The following ERLEC1 variants were observed in gnomAD, a reference collection of about 807,000 sequenced individuals.
ERLEC1 encodes the protein endoplasmic reticulum lectin 1, also known as ER lectin.
ERLEC1 carries 47 observed loss-of-function variants against 68.0 expected under a neutral mutation model. That is an observed-to-expected ratio of 0.69 (90% CI 0.55 to 0.88). ERLEC1 has a LOEUF of 0.88. Among genes scored for constraint, ERLEC1 ranks in the 40% least tolerant of loss-of-function variants. The pLI is 0.00. For synonymous variants in ERLEC1, 225 were observed against 203.2 expected (o/e 1.11, Z -0.91); for missense variants, 567 against 583.8 (o/e 0.97, Z 0.30).
intron 8 of ERLEC1, among the ~76,000 whole-genome samples, chr2:53,806,845 G>T (rs1352113525): frequency 6.6e-6 from 1 of 152,030 alleles, no homozygotes; most frequent in African/African-American, 2.4e-5. Flanking sequence ...TTTAAATTCA[G>T]GTCTACATTC....
chr2:53,787,065 T>C lies in ERLEC1; in HGVS notation c.-146T>C. ...GGGCGGAGGCGGCGTTGCCGGGCTC[T>C]CCGGAAGGAGACGTGGCGGCGGTTG... is the stretch of plus-strand genomic sequence containing the variant. On this transcript the variant is annotated 5_prime_UTR_variant, in exon 1 of 14. Coordinates refer to ENST00000185150, the MANE Select transcript of ERLEC1 (RefSeq NM_015701.5). 3 of 1,178,304 alleles carry C rather than the reference T, an allele frequency of 2.5e-6. No individual in the cohort carries two copies. Among genetic ancestry groups the C allele is most frequent in the Non-Finnish European group, 3.4e-6 (3 of 878,170 alleles). 73.0% of individuals were successfully genotyped at this position (1,178,304 alleles called of 1,614,324 possible). A position where few individuals can be genotyped will look rare whatever the true frequency, so the allele number is the denominator to read the frequency against.
chr2:53,794,945 G>C (rs564246172), intron 2 of ERLEC1, among the ~76,000 whole-genome samples: 1 of 152,126 alleles, frequency 6.6e-6, no homozygotes. Flanking sequence ...GAGACACCAT[G>C]CCCGGCCGCA....
At chr2:53,805,021 GTC>G (rs1192080162) in intron 8 of ERLEC1, among the ~76,000 whole-genome samples, 1 of 123,850 alleles carries the variant, frequency 8.1e-6, no homozygotes, top group Non-Finnish European at 1.6e-5. Context: ...TTGAGATGGA[GTC>G]TCACTCTGTT....
At chr2:53,795,902 C>T in intron 2 of ERLEC1, 31 bp from the exon 3 acceptor site, 1 of 1,422,078 alleles carries the variant, frequency 7.0e-7, no homozygotes, top group Non-Finnish European at 9.7e-7. Context: ...TCTAGAAAAA[C>T]TGTAAGTATT....
At chr2:53,800,288 T>C (rs1388141173) in intron 6 of ERLEC1, among the ~76,000 whole-genome samples, 1 of 152,180 alleles carries the variant, frequency 6.6e-6, no homozygotes, top group Admixed American at 6.5e-5. Flanking sequence ...AAATACGATA[T>C]ATCAGATTTC....
At chr2:53,793,021 G>A (rs893202901) in intron 1 of ERLEC1, among the ~76,000 whole-genome samples, 1 of 146,958 alleles carries the variant, frequency 6.8e-6, no homozygotes, top group African/African-American at 2.5e-5. Flanking sequence ...AAAAAAAAAA[G>A]TTATTGTTAA....
intron 13 of ERLEC1, among the ~76,000 whole-genome samples, chr2:53,815,439 A>G (rs1676826301): frequency 6.6e-6 from 1 of 152,204 alleles, no homozygotes; most frequent in Non-Finnish European, 1.5e-5. Flanking sequence ...TATAATTTAC[A>G]TGAAATAAAA....
In ERLEC1 at chr2:53,794,364, A is replaced by G; in HGVS notation, c.182A>G (p.Tyr61Cys). ...EFSLPTTGVL[Y>C]KEDNYVIMTT... is the part of the protein sequence containing the mutation. ...TTGCAGCCCACAACTGGAGTTTTAT[A>G]TAAAGAAGATAATTATGTCATCATG... is the stretch of plus-strand genomic sequence containing the variant. The change falls in exon 2 of 14, where the codon TAT becomes TGT. Residue 61 changes from tyrosine to cysteine, a missense_variant. Tyr to Cys is a radical substitution (Grantham distance 194). Transcript: ENST00000185150. The G allele has an allele frequency of 6.4e-7, 1 of 1,552,044 alleles. No homozygotes were observed. The highest frequency in any genetic ancestry group is 8.8e-7 in the Non-Finnish European group (1 of 1,139,406).
At chr2:53,802,876 C>T (rs987967278) in intron 8 of ERLEC1, among the ~76,000 whole-genome samples, 2 of 152,156 alleles carry the variant, frequency 1.3e-5, no homozygotes, top group Admixed American at 6.5e-5. Flanking sequence ...GGATTACAAG[C>T]GTGCACCACC....
intron 8 of ERLEC1, 129 bp from the exon 9 acceptor site, chr2:53,808,170 T>C (rs1384768885): frequency 2.2e-6 from 2 of 905,806 alleles, no homozygotes; most frequent in African/African-American, 3.4e-5. Context: ...TATCTTAAAG[T>C]GTATTAAAAG....
intron 1 of ERLEC1, among the ~76,000 whole-genome samples, chr2:53,791,506 G>T (rs1193230736): frequency 6.6e-6 from 1 of 152,066 alleles, no homozygotes; most frequent in Non-Finnish European, 1.5e-5. Flanking sequence ...AATTATAAAA[G>T]ATAAACTTTT....
At chr2:53,795,886 T>A (rs1675665928) in intron 2 of ERLEC1, 47 bp from the exon 3 acceptor site, 1 of 1,304,140 alleles carries the variant, frequency 7.7e-7, no homozygotes, top group East Asian at 2.3e-5. Context: ...CAAAGTTGGG[T>A]GAAATTCTAG....
At position 53,809,301 on chromosome 2, in the gene ERLEC1, T is replaced by C. The variant is rs768661413; in HGVS notation, c.1101+28T>C. On this transcript the variant is annotated intron_variant, in intron 10 of 13. Transcript: ENST00000185150. ...ATAGAATAGCATTTATATATCATTC[T>C]ACCACTAGATGGTTTAAAGTTTAAG... 10 of 1,420,590 alleles carry C rather than the reference T, an allele frequency of 7.0e-6. No homozygotes were observed. The African/African-American group carries it at 1.2e-4, about 17-fold the overall frequency. 88.0% of individuals were successfully genotyped at this position (1,420,590 alleles called of 1,614,324 possible). A position where few individuals can be genotyped will look rare whatever the true frequency, so the allele number is the denominator to read the frequency against.
rs888511874 is a variant in ERLEC1 at position 53,794,342 on chromosome 2, C to A, written c.163-3C>A. 1 of 1,420,426 alleles carries A rather than the reference C, an allele frequency of 7.0e-7. No homozygotes were observed. The highest frequency in any genetic ancestry group is 9.6e-7 in the Non-Finnish European group (1 of 1,036,850). The allele number at this position is 1,420,426 out of a possible 1,614,324, so 88.0% of individuals were successfully genotyped here. A position where few individuals can be genotyped will look rare whatever the true frequency, so the allele number is the denominator to read the frequency against. On this transcript the variant is annotated splice_polypyrimidine_tract_variant and splice_region_variant and intron_variant, in intron 1 of 13. Coordinates refer to ENST00000185150, the MANE Select transcript of ERLEC1 (RefSeq NM_015701.5). The stretch of plus-strand genomic sequence containing the variant: ...TAATGTATGTTTTTTCTTCTATTTG[C>A]AGCCCACAACTGGAGTTTTATATAA...
At chr2:53,811,926 G>C (rs1040348734) in intron 10 of ERLEC1, among the ~76,000 whole-genome samples, 1 of 151,852 alleles carries the variant, frequency 6.6e-6, no homozygotes, top group Admixed American at 6.6e-5. Context: ...TTTTTGTTTT[G>C]TTTTGTTTGA....
At chr2:53,806,028 G>A (rs1338657655) in intron 8 of ERLEC1, among the ~76,000 whole-genome samples, 1 of 152,124 alleles carries the variant, frequency 6.6e-6, no homozygotes, top group Non-Finnish European at 1.5e-5. Context: ...TCTGTTAAAC[G>A]TAACTTTTCT....
chr2:53,787,491 C>T (rs1018934710), intron 1 of ERLEC1, 119 bp downstream of exon 1: 3 of 1,232,962 alleles, frequency 2.4e-6, no homozygotes, highest in Non-Finnish European at 3.3e-6. Flanking sequence ...CTTACCTTCC[C>T]CAAGCCAAAG....
At chr2:53,802,375 A>G (rs918372371) in intron 8 of ERLEC1, among the ~76,000 whole-genome samples, 2 of 152,080 alleles carry the variant, frequency 1.3e-5, no homozygotes, top group Admixed American at 6.6e-5. Context: ...TTAGAAACCT[A>G]AGTCTTTTTT....
At chr2:53,787,792 G>C (rs1463902760) in intron 1 of ERLEC1, among the ~76,000 whole-genome samples, 1 of 152,170 alleles carries the variant, frequency 6.6e-6, no homozygotes, top group Non-Finnish European at 1.5e-5. Context: ...CTTCAGACTC[G>C]AGTTCCCTCT....
Sources: gnomAD v4.1 joint callset for allele counts (sites outside exome capture counted in the v4.1 genomes callset) on GRCh38, gnomAD v4.1.1 for gene constraint, MANE v1.5 for transcripts, NCBI Gene and HGNC (gene_info 2026-07-23, HGNC 2026-07-21) for gene names.